The following AKAP19 variants were observed in gnomAD, a reference collection of about 807,000 sequenced individuals.
AKAP19 encodes the protein small A-kinase anchoring protein.
the AKAP19 span, among the ~76,000 whole-genome samples, chr2:189,976,106 G>T: frequency 6.6e-6 from 1 of 152,112 alleles, no homozygotes; most frequent in Non-Finnish European, 1.5e-5. Context: ...CATCTTTGTG[G>T]TTTTATCTAC....
chr2:190,165,095 C>A, the AKAP19 span, among the ~76,000 whole-genome samples: 1 of 152,092 alleles, frequency 6.6e-6, no homozygotes, highest in Admixed American at 6.6e-5. Flanking sequence ...TTATAAGAAC[C>A]AGAACCCTGA....
the AKAP19 span, among the ~76,000 whole-genome samples, chr2:189,886,974 G>A: frequency 8.6e-5 from 13 of 151,980 alleles, 1 homozygote; most frequent in African/African-American, 3.1e-4. Context: ...AATAAGACTT[G>A]TTCTTGCTTT....
chr2:189,953,652 A>C, the AKAP19 span, among the ~76,000 whole-genome samples: 5 of 151,878 alleles, frequency 3.3e-5, no homozygotes, highest in African/African-American at 4.8e-5. Context: ...AAAAAAAAAA[A>C]AAAAAAACAA....
At chr2:190,055,278 A>G in the AKAP19 span, among the ~76,000 whole-genome samples, 6 of 138,214 alleles carry the variant, frequency 4.3e-5, no homozygotes, top group Non-Finnish European at 7.6e-5. Context: ...GAATTGAACA[A>G]TGAGAACACA....
the AKAP19 span, among the ~76,000 whole-genome samples, chr2:189,927,395 T>G: frequency 6.6e-6 from 1 of 152,198 alleles, no homozygotes; most frequent in Non-Finnish European, 1.5e-5. Flanking sequence ...AGTTGAACAT[T>G]CACATTTCAA....
chr2:190,134,648 A>G, the AKAP19 span, among the ~76,000 whole-genome samples: 1 of 152,058 alleles, frequency 6.6e-6, no homozygotes, highest in Non-Finnish European at 1.5e-5. Flanking sequence ...AAAAATAAGA[A>G]GCTTATTTCC....
chr2:190,047,840 G>T, the AKAP19 span, among the ~76,000 whole-genome samples: 1 of 152,140 alleles, frequency 6.6e-6, no homozygotes, highest in Non-Finnish European at 1.5e-5. Context: ...GTGTCTTTTG[G>T]GGGAAAGGAT....
chr2:190,184,235 C>G, the AKAP19 span, among the ~76,000 whole-genome samples: 19 of 152,106 alleles, frequency 1.2e-4, no homozygotes, highest in Admixed American at 1.2e-3. Context: ...GAGGGAGTAA[C>G]AGATATGTGA....
At chr2:190,061,692 G>C in the AKAP19 span, among the ~76,000 whole-genome samples, 1 of 151,938 alleles carries the variant, frequency 6.6e-6, no homozygotes, top group Non-Finnish European at 1.5e-5. Context: ...ATTCTTCAGT[G>C]TAATAGCTCT....
chr2:189,923,212 T>C, the AKAP19 span: 1 of 931,508 alleles, frequency 1.1e-6, no homozygotes, highest in East Asian at 2.5e-5. Context: ...TGCGGCCGCG[T>C]TGCCGACCTC....
the AKAP19 span, among the ~76,000 whole-genome samples, chr2:189,920,476 C>T: frequency 2.0e-5 from 3 of 152,164 alleles, no homozygotes; most frequent in Admixed American, 1.3e-4. Context: ...GCAAGCAAGG[C>T]TAAGAAGTGC....
the AKAP19 span, among the ~76,000 whole-genome samples, chr2:190,082,476 G>T: frequency 6.6e-6 from 1 of 152,192 alleles, no homozygotes; most frequent in South Asian, 2.1e-4. Context: ...TAATAGTATA[G>T]GATAAATAGA....
At chr2:189,916,378 A>G in the AKAP19 span, among the ~76,000 whole-genome samples, 2 of 143,314 alleles carry the variant, frequency 1.4e-5, no homozygotes, top group Non-Finnish European at 3.0e-5. Context: ...CTGGAGTGCA[A>G]TGGCAGGATC....
the AKAP19 span, among the ~76,000 whole-genome samples, chr2:190,004,330 G>T: frequency 6.6e-6 from 1 of 152,012 alleles, no homozygotes; most frequent in African/African-American, 2.4e-5. Flanking sequence ...TAGCCAGTGT[G>T]AGCATATGAA....
At chr2:189,910,299 G>A in the AKAP19 span, among the ~76,000 whole-genome samples, 23 of 151,990 alleles carry the variant, frequency 1.5e-4, no homozygotes, top group Admixed American at 1.1e-3. Flanking sequence ...AGTTTGATAG[G>A]CATTAAGGAT....
chr2:190,018,569 T>C, the AKAP19 span, among the ~76,000 whole-genome samples: 2 of 152,332 alleles, frequency 1.3e-5, no homozygotes, highest in East Asian at 3.9e-4. Context: ...TCTATGTGTA[T>C]GTTTTTTGTT....
chr2:189,917,600 A>C, the AKAP19 span: 1 of 390,358 alleles, frequency 2.6e-6, no homozygotes, highest in South Asian at 3.4e-5. Context: ...ATTTCAACTT[A>C]GATAAGAAAA....
the AKAP19 span, among the ~76,000 whole-genome samples, chr2:189,975,207 G>C: frequency 1.3e-5 from 2 of 152,070 alleles, no homozygotes; most frequent in Non-Finnish European, 2.9e-5. Flanking sequence ...ATTTGCTTGT[G>C]TGTAAAGGAT....
the AKAP19 span, among the ~76,000 whole-genome samples, chr2:190,052,051 G>A: frequency 2.6e-5 from 4 of 151,954 alleles, no homozygotes; most frequent in Non-Finnish European, 5.9e-5. Context: ...GTGTTAGTCA[G>A]GATGGTCTTG....
Sources: gnomAD v4.1 joint callset for allele counts (sites outside exome capture counted in the v4.1 genomes callset) on GRCh38, gnomAD v4.1.1 for gene constraint, MANE v1.5 for transcripts, NCBI Gene and HGNC (gene_info 2026-07-23, HGNC 2026-07-21) for gene names.